The following MAGI2 variants were observed in gnomAD, a reference collection of about 807,000 sequenced individuals.
MAGI2 encodes the protein membrane associated guanylate kinase, WW and PDZ domain containing 2, also known as membrane-associated guanylate kinase, WW and PDZ domain-containing protein 2.
A neutral mutation model predicts 133.3 loss-of-function variants in MAGI2; 35 were observed. The ratio of observed to expected loss-of-function variants is 0.26; its 90% CI spans 0.20 to 0.35. The LOEUF (loss-of-function observed/expected upper bound fraction) is 0.35. Ranked by LOEUF, MAGI2 falls within the 10% of genes least tolerant of loss-of-function variation. The probability of loss-of-function intolerance (pLI) is 1.00; values close to 1 mark genes in which losing one functional copy is unlikely to be tolerated. For missense variants in MAGI2, 1,636 were observed against 1,863.4 expected, an observed-to-expected ratio of 0.88 and a Z score of 2.25; for synonymous variants, 729 against 710.6, an observed-to-expected ratio of 1.03 and a Z score of -0.41.
At chr7:78,579,791 C>T (rs943081693) in intron 3 of MAGI2, among the ~76,000 whole-genome samples, 1 of 152,084 alleles carries the variant, frequency 6.6e-6, no homozygotes, top group Non-Finnish European at 1.5e-5. Flanking sequence ...CTGCTTTTCT[C>T]TTGTTAATCT....
chr7:78,848,224 A>G (rs1031763163), intron 2 of MAGI2, among the ~76,000 whole-genome samples: 3 of 151,802 alleles, frequency 2.0e-5, no homozygotes, highest in Non-Finnish European at 4.4e-5. Context: ...AGCACGCTCC[A>G]TCTTCCTCTA....
At chr7:78,620,569 T>C (rs1396626136) in intron 3 of MAGI2, among the ~76,000 whole-genome samples, 1 of 151,974 alleles carries the variant, frequency 6.6e-6, no homozygotes, top group Non-Finnish European at 1.5e-5. Context: ...ATAAAATTGC[T>C]CAAGAAACCT....
intron 3 of MAGI2, among the ~76,000 whole-genome samples, chr7:78,572,746 T>C (rs1312936884): frequency 6.6e-6 from 1 of 151,822 alleles, no homozygotes; most frequent in African/African-American, 2.4e-5. Context: ...CACCGCAACC[T>C]CCGCCTCCCA....
At chr7:79,020,436 G>C (rs1289786642) in intron 1 of MAGI2, among the ~76,000 whole-genome samples, 2 of 152,144 alleles carry the variant, frequency 1.3e-5, no homozygotes, top group Non-Finnish European at 2.9e-5. Context: ...CCCATTTTCT[G>C]AGGAGAAATT....
At chr7:79,042,306 T>C (rs1048296896) in intron 1 of MAGI2, among the ~76,000 whole-genome samples, 1 of 152,172 alleles carries the variant, frequency 6.6e-6, no homozygotes, top group Non-Finnish European at 1.5e-5. Context: ...TTTTTGATTG[T>C]TGTTGGTTTA....
intron 6 of MAGI2, among the ~76,000 whole-genome samples, chr7:78,427,085 A>G (rs932431959): frequency 6.6e-6 from 1 of 152,204 alleles, no homozygotes; most frequent in Admixed American, 6.6e-5. Context: ...TGTAATCTTT[A>G]GAGTAACCAC....
chr7:79,394,001 CA>C (rs1844860124), intron 1 of MAGI2, among the ~76,000 whole-genome samples: 1 of 152,076 alleles, frequency 6.6e-6, no homozygotes, highest in African/African-American at 2.4e-5. Flanking sequence ...TAATGATCAT[CA>C]ACTCATCAAC....
intron 1 of MAGI2, among the ~76,000 whole-genome samples, chr7:79,269,869 G>T (rs1834750163): frequency 6.6e-6 from 1 of 152,070 alleles, no homozygotes; most frequent in Non-Finnish European, 1.5e-5. Context: ...AAGGCCACAA[G>T]AATAAGATTA....
chr7:79,398,643 C>T (rs1338204055), intron 1 of MAGI2, among the ~76,000 whole-genome samples: 1 of 152,158 alleles, frequency 6.6e-6, no homozygotes, highest in Non-Finnish European at 1.5e-5. Context: ...CCAGGAAAAG[C>T]CTTTCTAGCA....
intron 1 of MAGI2, among the ~76,000 whole-genome samples, chr7:79,191,736 T>C (rs1278159808): frequency 6.6e-6 from 1 of 151,874 alleles, no homozygotes; most frequent in East Asian, 1.9e-4. Flanking sequence ...ATTATAATGG[T>C]CTTCCATGAA....
At chr7:78,664,615 A>T (rs190282669) in intron 2 of MAGI2, among the ~76,000 whole-genome samples, 218 of 152,102 alleles carry the variant, frequency 1.4e-3, no homozygotes, top group African/African-American at 5.0e-3. Context: ...TCTTGAAATG[A>T]TACATTTATC....
At chr7:78,722,960 G>A (rs1480335086) in intron 2 of MAGI2, among the ~76,000 whole-genome samples, 2 of 151,874 alleles carry the variant, frequency 1.3e-5, no homozygotes, top group Non-Finnish European at 2.9e-5. Context: ...TAGTTGATGC[G>A]ATTCATATTA....
At chr7:78,889,599 C>T (rs1443099013) in intron 2 of MAGI2, among the ~76,000 whole-genome samples, 2 of 152,184 alleles carry the variant, frequency 1.3e-5, no homozygotes, top group Admixed American at 1.3e-4. Context: ...AAAGAATTTT[C>T]AACCCAGAAT....
At chr7:78,686,447 T>C (rs1465579267) in intron 2 of MAGI2, among the ~76,000 whole-genome samples, 2 of 152,080 alleles carry the variant, frequency 1.3e-5, no homozygotes, top group Non-Finnish European at 2.9e-5. Context: ...GTTTGTGTAA[T>C]TTGTGTCCCT....
intron 1 of MAGI2, among the ~76,000 whole-genome samples, chr7:79,269,047 GA>G (rs1038384358): frequency 3.6e-4 from 55 of 152,244 alleles, no homozygotes; most frequent in African/African-American, 1.2e-3. Context: ...AAGAGGGAAG[GA>G]AAAGTAAATT....
chr7:78,857,015 T>C (rs1007855096), intron 2 of MAGI2, among the ~76,000 whole-genome samples: 8 of 152,196 alleles, frequency 5.3e-5, no homozygotes, highest in Admixed American at 2.0e-4. Flanking sequence ...CTTGAAGCAA[T>C]TGTGAATGGG....
intron 16 of MAGI2, among the ~76,000 whole-genome samples, chr7:78,154,270 T>G (rs537205636): frequency 1.3e-5 from 2 of 152,322 alleles, no homozygotes; most frequent in South Asian, 4.1e-4. Context: ...AGCATCAGAT[T>G]GCAGTGGCCT....
intron 4 of MAGI2, among the ~76,000 whole-genome samples, chr7:78,509,537 A>C (rs1795390987): frequency 6.6e-6 from 1 of 152,198 alleles, no homozygotes; most frequent in Non-Finnish European, 1.5e-5. Context: ...GTATTTGTGC[A>C]TTTAGTTCAG....
chr7:78,017,703 A>C lies in MAGI2; in HGVS notation c.*1612T>G, dbSNP rs878998385. On this transcript the variant is annotated 3_prime_UTR_variant, in exon 22 of 22. Coordinates refer to ENST00000354212, the MANE Select transcript of MAGI2 (RefSeq NM_012301.4). ...AGCCTTATTCTCCTCCTGTCAAACA[A>C]CTAAACTACTCCGATGTTTGATGAA... 4.6e-5 allele frequency: 7 copies of C among 152,658 alleles called. No individual in the cohort carries two copies. In the South Asian group the frequency reaches 1.5e-3, roughly 32 times the overall value. The allele number at this position is 152,658 out of a possible 1,614,324, so 9.5% of individuals were successfully genotyped here.
Sources: gnomAD v4.1 joint callset for allele counts (sites outside exome capture counted in the v4.1 genomes callset) on GRCh38, gnomAD v4.1.1 for gene constraint, MANE v1.5 for transcripts, NCBI Gene and HGNC (gene_info 2026-07-23, HGNC 2026-07-21) for gene names.